Variants in KLHL24 observed in about 807,000 individuals in gnomAD.
The protein encoded by KLHL24 is kelch-like protein 24.
KLHL24 carries 29 observed loss-of-function variants against 53.4 expected under a neutral mutation model. That is an observed-to-expected ratio of 0.54 (90% CI 0.40 to 0.74). KLHL24 has a LOEUF of 0.74. Among genes scored for constraint, KLHL24 ranks in the 30% least tolerant of loss-of-function variants. KLHL24 has a pLI of 0.00. For synonymous variants in KLHL24, 222 were observed against 253.7 expected (o/e 0.88, Z 1.19); for missense variants, 504 against 744.0 (o/e 0.68, Z 3.75).
chr3:183,637,004 G>T (rs1024149009), intron 1 of KLHL24, among the ~76,000 whole-genome samples: 1 of 152,152 alleles, frequency 6.6e-6, no homozygotes, highest in African/African-American at 2.4e-5. Flanking sequence ...CTGCCGGGTG[G>T]TTCGCAGGAA....
chr3:183,679,158 A>T lies in KLHL24; in HGVS notation c.1675A>T (p.Thr559Ser). 1 of 1,614,090 alleles carries T rather than the reference A, an allele frequency of 6.2e-7. No individual in the cohort carries two copies. The change falls in exon 8 of 8, where the codon ACA becomes TCA. Residue 559 changes from threonine to serine, a missense_variant. By Grantham distance (58) the Thr-to-Ser change is moderately conservative. Transcript: ENST00000242810. Reference sequence around the variant, plus strand: ...CGGAAGACGGGAAAATGGAGAAGCCACAGACACTATTCTCTGTTATGATCC... The same window carrying T: ...CGGAAGACGGGAAAATGGAGAAGCCTCAGACACTATTCTCTGTTATGATCC... ...LGGRRENGEA[T>S]DTILCYDPAT...
chr3:183,645,894 T>C (rs1182996894), intron 2 of KLHL24, among the ~76,000 whole-genome samples: 1 of 152,198 alleles, frequency 6.6e-6, no homozygotes, highest in South Asian at 2.1e-4. Context: ...TTGGTAAGCA[T>C]TGTCTTGTGT....
intron 3 of KLHL24, among the ~76,000 whole-genome samples, chr3:183,654,914 A>G (rs1718634729): frequency 6.6e-6 from 1 of 152,216 alleles, no homozygotes; most frequent in Admixed American, 6.5e-5. Context: ...AATTAATCCT[A>G]TGTAATGTGT....
At chr3:183,674,449 C>G (rs563110291) in intron 7 of KLHL24, among the ~76,000 whole-genome samples, 95 of 152,122 alleles carry the variant, frequency 6.2e-4, no homozygotes, top group African/African-American at 2.2e-3. Flanking sequence ...CAAACTCCGC[C>G]TCCTGGGTTC....
intron 1 of KLHL24, among the ~76,000 whole-genome samples, chr3:183,639,016 C>T (rs1012688854): frequency 3.3e-5 from 5 of 151,884 alleles, no homozygotes; most frequent in African/African-American, 1.2e-4. Context: ...GCCTGGCCAA[C>T]GTGGTGAAAC....
chr3:183,638,929 G>A (rs1408039866), intron 1 of KLHL24, among the ~76,000 whole-genome samples: 1 of 152,206 alleles, frequency 6.6e-6, no homozygotes, highest in Non-Finnish European at 1.5e-5. Flanking sequence ...GGCTGGGTGC[G>A]GTGGCTCACG....
chr3:183,673,836 C>T (rs1455829641), intron 7 of KLHL24, among the ~76,000 whole-genome samples: 1 of 152,198 alleles, frequency 6.6e-6, no homozygotes, highest in Middle Eastern at 3.2e-3. Context: ...AGTTTATACT[C>T]TTTCCTGAAT....
intron 7 of KLHL24, among the ~76,000 whole-genome samples, chr3:183,676,136 C>T (rs1286626870): frequency 1.3e-5 from 2 of 152,214 alleles, no homozygotes; most frequent in Admixed American, 1.3e-4. Context: ...ACCAATGCTA[C>T]TAAATACATC....
At chr3:183,651,906 A>G (rs1176674948) in intron 3 of KLHL24, among the ~76,000 whole-genome samples, 2 of 151,678 alleles carry the variant, frequency 1.3e-5, no homozygotes, top group Admixed American at 6.6e-5. Flanking sequence ...CCATGCTCTT[A>G]CTGCTCTCCA....
intron 2 of KLHL24, among the ~76,000 whole-genome samples, chr3:183,648,086 G>A (rs28538996): frequency 1.3e-5 from 2 of 151,922 alleles, no homozygotes; most frequent in African/African-American, 4.8e-5. Flanking sequence ...GTACAGTATC[G>A]TGACAATAGT....
At chr3:183,667,664 G>T (rs773800688) in intron 5 of KLHL24, among the ~76,000 whole-genome samples, 1 of 152,078 alleles carries the variant, frequency 6.6e-6, no homozygotes, top group Non-Finnish European at 1.5e-5. Flanking sequence ...GCTCCCTGGT[G>T]CCAAAAAGGT....
intron 1 of KLHL24, among the ~76,000 whole-genome samples, chr3:183,640,680 A>G (rs1002857972): frequency 2.7e-5 from 4 of 148,878 alleles, no homozygotes; most frequent in African/African-American, 1.0e-4. Flanking sequence ...GCTCACTGCA[A>G]CCTCCGCCTC....
chr3:183,642,152 A>G (rs1253838997), intron 1 of KLHL24, among the ~76,000 whole-genome samples: 1 of 152,244 alleles, frequency 6.6e-6, no homozygotes, highest in Non-Finnish European at 1.5e-5. Flanking sequence ...AGTGACAGAC[A>G]TAAACTAGGT....
intron 3 of KLHL24, among the ~76,000 whole-genome samples, chr3:183,656,144 C>A (rs2108814406): frequency 7.1e-6 from 1 of 140,268 alleles, no homozygotes; most frequent in Middle Eastern, 3.9e-3. Flanking sequence ...TCAGGTGATT[C>A]TCCCACCTTA....
intron 7 of KLHL24, among the ~76,000 whole-genome samples, chr3:183,674,660 T>C (rs549402238): frequency 5.7e-4 from 87 of 152,246 alleles, no homozygotes; most frequent in African/African-American, 1.9e-3. Context: ...ATGCCCAGCC[T>C]ATTATTTTTC....
At chr3:183,674,504 G>T (rs1351952134) in intron 7 of KLHL24, among the ~76,000 whole-genome samples, 1 of 151,946 alleles carries the variant, frequency 6.6e-6, no homozygotes. Flanking sequence ...GGAATTACAG[G>T]CGCCCACCAC....
intron 1 of KLHL24, among the ~76,000 whole-genome samples, chr3:183,638,346 C>CT (rs1715715874): frequency 1.3e-5 from 2 of 152,246 alleles, no homozygotes; most frequent in Admixed American, 1.3e-4. Context: ...TTTTCAATAA[C>CT]TTTTTTTAAC....
intron 3 of KLHL24, among the ~76,000 whole-genome samples, chr3:183,662,344 G>T (rs1719924122): frequency 6.6e-6 from 1 of 152,066 alleles, no homozygotes; most frequent in South Asian, 2.1e-4. Context: ...TACTGTAATT[G>T]TGTAACAGCA....
intron 1 of KLHL24, among the ~76,000 whole-genome samples, chr3:183,639,405 C>T (rs1231074785): frequency 4.7e-5 from 7 of 149,110 alleles, no homozygotes; most frequent in South Asian, 2.1e-4. Flanking sequence ...CCAAGGCGGG[C>T]AGATCACAAG....
Sources: gnomAD v4.1 joint callset for allele counts (sites outside exome capture counted in the v4.1 genomes callset) on GRCh38, gnomAD v4.1.1 for gene constraint, MANE v1.5 for transcripts, NCBI Gene and HGNC (gene_info 2026-07-23, HGNC 2026-07-21) for gene names.